The following GUCA1A variants were observed in gnomAD, a reference collection of about 807,000 sequenced individuals.
GUCA1A encodes the protein guanylyl cyclase-activating protein 1.
A neutral mutation model predicts 18.5 loss-of-function variants in GUCA1A; 14 were observed. The observed-to-expected ratio is 0.76, with a 90% CI of 0.50 to 1.18. The LOEUF is 1.18. Among genes scored for constraint, GUCA1A ranks in the 50% most tolerant of loss-of-function variants. The probability of loss-of-function intolerance (pLI) is 0.00; values close to 1 mark genes in which losing one functional copy is unlikely to be tolerated. For synonymous variants in GUCA1A, 97 were observed against 100.2 expected (o/e 0.97, Z 0.19); for missense variants, 264 against 262.4 (o/e 1.01, Z -0.04).
chr6:42,177,097 T>C (rs770024853), intron 1 of GUCA1A, among the ~76,000 whole-genome samples: 11 of 152,182 alleles, frequency 7.2e-5, no homozygotes, highest in Non-Finnish European at 1.5e-4. Context: ...TTGCTTTGCT[T>C]ACTTCAAATG....
chr6:42,173,868 A>T (rs1010111042), intron 1 of GUCA1A, 54 bp downstream of exon 1: 1 of 1,340,642 alleles, frequency 7.5e-7, no homozygotes, highest in Non-Finnish European at 1.1e-6. Context: ...CCCCTCTGGA[A>T]GCCTGACCAG....
At chr6:42,174,989 C>T (rs1333985543) in intron 1 of GUCA1A, among the ~76,000 whole-genome samples, 2 of 152,206 alleles carry the variant, frequency 1.3e-5, no homozygotes, top group Non-Finnish European at 2.9e-5. Context: ...AAGTAGATTA[C>T]GGGCTTTGAG....
chr6:42,178,919 C>A, intron 3 of GUCA1A, 24 bp downstream of exon 3: 1 of 1,545,472 alleles, frequency 6.5e-7, no homozygotes, highest in Middle Eastern at 1.7e-4. Flanking sequence ...GGAGGGGCTC[C>A]CCAGCGGAGG....
chr6:42,173,857 A>G (rs773141586), intron 1 of GUCA1A, 43 bp downstream of exon 1: 10 of 1,478,670 alleles, frequency 6.8e-6, no homozygotes, highest in Non-Finnish European at 9.5e-6. Context: ...TGCTGGAGGG[A>G]CCCCTCTGGA....
Position 42,178,433 on chromosome 6 carries a change from C to A in GUCA1A, c.351+4C>A. The stretch of plus-strand genomic sequence containing the variant: ...TGAGCTGCTCACCATCATCCAGGTG[C>A]AGAGGGCCCGGCCAGGGCTGGGGGC... On this transcript the variant is annotated splice_donor_region_variant and intron_variant, in intron 2 of 3. Transcript: ENST00000372958. 6.2e-7 allele frequency: 1 copy of A among 1,613,204 alleles called. No individual in the cohort carries two copies. The highest frequency in any genetic ancestry group is 8.5e-7 in the Non-Finnish European group (1 of 1,179,424).
At position 42,179,385 on chromosome 6, in the gene GUCA1A, C is replaced by T. The variant is rs1444414212; in HGVS notation, c.588C>T (p.Ala196=). Residue 196 remains alanine, a synonymous_variant, in exon 4 of 4, where the codon GCC becomes GCT. Coordinates refer to ENST00000372958, the MANE Select transcript of GUCA1A (RefSeq NM_001384910.1). ...GEQDEEGADE[A]AEAAG is the part of the protein sequence containing the mutation. ...AAGACGAGGAGGGGGCTGACGAGGC[C>T]GCTGAGGCAGCCGGCTGAGTGCACC... 1 of 1,601,820 alleles carries T rather than the reference C, an allele frequency of 6.2e-7. No individual in the cohort carries two copies. Among genetic ancestry groups the T allele is most frequent in the South Asian group, 1.1e-5 (1 of 89,984 alleles).
At chr6:42,176,809 T>C (rs920585601) in intron 1 of GUCA1A, among the ~76,000 whole-genome samples, 1 of 152,044 alleles carries the variant, frequency 6.6e-6, no homozygotes, top group Non-Finnish European at 1.5e-5. Context: ...GTAAATGAAG[T>C]TTTATTAGAA....
In GUCA1A at chr6:42,175,989, G is replaced by T. The variant is rs183457186; in HGVS notation, c.201+2175G>T. ...GCATTTCCTAGTCCCACCTTTCCCC[G>T]CAAGCACCTGTCGTCTTCCAATACC... On this transcript the variant is annotated intron_variant, in intron 1 of 3. Transcript: ENST00000372958. 8.6e-5 allele frequency among the ~76,000 whole-genome samples: 13 copies of T among 151,814 alleles called. No individual in the cohort carries two copies. In the East Asian group the frequency reaches 2.5e-3, roughly 29 times the overall value.
rs147970535 is a variant in GUCA1A, at chr6:42,177,001, G to T, written c.202-1279G>T. Among the ~76,000 whole-genome samples the T allele has an allele frequency of 3.8e-4, 58 of 152,244 alleles. No individual in the cohort carries two copies. The East Asian group carries it at 0.011, about 29-fold the overall frequency. On this transcript the variant is annotated intron_variant, in intron 1 of 3. Coordinates refer to ENST00000372958, the MANE Select transcript of GUCA1A (RefSeq NM_001384910.1). ...AGTGCCAGCCCTTGCACTAAAAAAT[G>T]GTTGTATCTTTGGGTATTGCACCAG...
chr6:42,178,297 CAT>C lies in GUCA1A; in HGVS notation c.220_221del (p.Met74GlyfsTer26). 1 of 1,614,110 alleles carries C rather than the reference CAT, an allele frequency of 6.2e-7. No individual in the cohort carries two copies. Among genetic ancestry groups the C allele is most frequent in the Non-Finnish European group, 8.5e-7 (1 of 1,180,040 alleles). On this transcript the variant is annotated frameshift_variant, in exon 2 of 4. Transcript: ENST00000372958. LOFTEE classifies it high-confidence loss of function. Reference protein sequence around the residue: ...DFNKDGYIDFMEYVAALSLVL... With the variant: ...DFNKDGYIDFXEYVAALSLVL... ...TCGCCCAGGACGGCTACATTGATTTCATGGAGTACGTGGCAGCGCTCAGCTTG... is the reference window on the plus strand; with the variant it reads ...TCGCCCAGGACGGCTACATTGATTTCGGAGTACGTGGCAGCGCTCAGCTTG...
rs116746124 is a variant in GUCA1A at position 42,176,081 on chromosome 6, G to T, written c.202-2199G>T. Among the ~76,000 whole-genome samples the T allele has an allele frequency of 4.6e-3, 693 of 152,302 alleles. 3 individuals carry two copies. The highest frequency in any genetic ancestry group is 0.016 in the African/African-American group (675 of 41,568). On this transcript the variant is annotated intron_variant, in intron 1 of 3. Coordinates refer to ENST00000372958, the MANE Select transcript of GUCA1A (RefSeq NM_001384910.1). The stretch of plus-strand genomic sequence containing the variant: ...CCCCCTGCTGGAATGTGAGCTCCAT[G>T]TGGGCAGGGATTTTTGTCTTGTTCA...
At chr6:42,176,503 G>A (rs539608018) in intron 1 of GUCA1A, among the ~76,000 whole-genome samples, 3 of 152,020 alleles carry the variant, frequency 2.0e-5, no homozygotes, top group African/African-American at 4.8e-5. Context: ...GCACGATCTC[G>A]GCTCACTGCA....
intron 1 of GUCA1A, among the ~76,000 whole-genome samples, chr6:42,177,618 A>G (rs1361023420): frequency 6.6e-6 from 1 of 152,096 alleles, no homozygotes; most frequent in Non-Finnish European, 1.5e-5. Flanking sequence ...AAGATAAAAA[A>G]TGAAGAGCAA....
At position 42,179,761 on chromosome 6, in the gene GUCA1A, G is replaced by A. The variant is rs1207510924; in HGVS notation, c.*358G>A. On this transcript the variant is annotated 3_prime_UTR_variant, in exon 4 of 4. Coordinates refer to ENST00000372958, the MANE Select transcript of GUCA1A (RefSeq NM_001384910.1). ...GCTCTTCTGGACGTGGACTCTCTGAGGCAGAACTGAGCTTTTCCAGGCCTC... is the reference window on the plus strand; with the variant it reads ...GCTCTTCTGGACGTGGACTCTCTGAAGCAGAACTGAGCTTTTCCAGGCCTC... The A allele has an allele frequency of 5.6e-6, 1 of 177,724 alleles. No individual in the cohort carries two copies. Among genetic ancestry groups the A allele is most frequent in the Non-Finnish European group, 1.2e-5 (1 of 85,326 alleles). The allele number at this position is 177,724 out of a possible 1,614,324, so 11.0% of individuals were successfully genotyped here.
At chr6:42,177,667 C>G (rs373394848) in intron 1 of GUCA1A, among the ~76,000 whole-genome samples, 1 of 152,158 alleles carries the variant, frequency 6.6e-6, no homozygotes, top group African/African-American at 2.4e-5. Context: ...CAGAGGAAAC[C>G]TCTTTAGCAG....
chr6:42,173,697 G>A lies in GUCA1A; in HGVS notation c.84G>A (p.Glu28=). ...AGTGGTACAAGAAGTTCATGACTGA[G>A]TGCCCCTCTGGCCAACTCACCCTCT... The part of the protein sequence containing the change: ...CHQWYKKFMT[E]CPSGQLTLYE... The change falls in exon 1 of 4, where the codon GAG becomes GAA. Residue 28 remains glutamate (E), a synonymous_variant. Coordinates refer to ENST00000372958, the MANE Select transcript of GUCA1A (RefSeq NM_001384910.1). 6.2e-7 allele frequency: 1 copy of A among 1,613,876 alleles called. No homozygotes were observed. The highest frequency in any genetic ancestry group is 1.1e-5 in the South Asian group (1 of 91,068).
In GUCA1A at chr6:42,173,555, C is replaced by A; in HGVS notation, c.-59C>A. 1.4e-6 allele frequency: 2 copies of A among 1,403,728 alleles called. No individual in the cohort carries two copies. Among genetic ancestry groups the A allele is most frequent in the South Asian group, 1.2e-5 (1 of 86,834 alleles). 87.0% of individuals were successfully genotyped at this position (1,403,728 alleles called of 1,614,324 possible). On this transcript the variant is annotated 5_prime_UTR_variant, in exon 1 of 4. Transcript: ENST00000372958. Reference sequence around the variant, plus strand: ...CGTTGTCGGCCAAGACACCTTTGGGCGAGGAGCAGCGAACAGGGCCTGTCC... The same window carrying A: ...CGTTGTCGGCCAAGACACCTTTGGGAGAGGAGCAGCGAACAGGGCCTGTCC...
At position 42,173,824 on chromosome 6, in the gene GUCA1A, G is replaced by A; in HGVS notation, c.201+10G>A. The A allele has an allele frequency of 6.2e-7, 1 of 1,605,576 alleles. No homozygotes were observed. On this transcript the variant is annotated intron_variant, in intron 1 of 3. Transcript: ENST00000372958. ...TTTTGACTTCAACAAGGTGAGCAGG[G>A]GCCCAGTGGCAGGGAGGGGAAGTGC... is the stretch of plus-strand genomic sequence containing the variant.
intron 3 of GUCA1A, 33 bp from the exon 4 acceptor site, chr6:42,179,210 T>C (rs1478154584): frequency 6.2e-7 from 1 of 1,601,196 alleles, no homozygotes; most frequent in African/African-American, 1.3e-5. Context: ...ATGAACACCC[T>C]CCTCCCCCTG....
Sources: allele counts gnomAD v4.1 joint callset (sites outside exome capture counted in the v4.1 genomes callset), GRCh38; gene constraint gnomAD v4.1.1; transcripts MANE v1.5; gene names NCBI Gene and HGNC (gene_info 2026-07-23, HGNC 2026-07-21).